Variants in TENM3 observed in about 807,000 individuals in gnomAD.
TENM3 encodes the protein teneurin-3.
In TENM3, 63 loss-of-function variants were observed where a neutral mutation model predicts 255.1. The observed-to-expected ratio is 0.25, with a 90% CI of 0.20 to 0.30. The LOEUF (loss-of-function observed/expected upper bound fraction) is 0.30, where lower values mean the gene tolerates loss of function less well. Among genes scored for constraint, TENM3 ranks in the 10% least tolerant of loss-of-function variants. TENM3 has a pLI of 1.00. For synonymous variants in TENM3, 1,306 were observed against 1,322.3 expected (o/e 0.99, Z 0.27); for missense variants, 2,929 against 3,461.1 (o/e 0.85, Z 3.86).
In TENM3 at chr4:182,148,866, G is replaced by A. The variant is rs144192881; in HGVS notation, c.-76+4112G>A. ...CACTTTAAGATTTTCTTGGGCTTTG[G>A]TTCATATTGCATTGTGATACATGTT... is the stretch of plus-strand genomic sequence containing the variant. On this transcript the variant is annotated intron_variant, in intron 1 of 2. Coordinates refer to the TENM3 transcript ENST00000512480. Among the ~76,000 whole-genome samples the A allele has an allele frequency of 4.6e-3, 697 of 152,060 alleles. 3 individuals carry two copies. Among genetic ancestry groups the A allele is most frequent in the African/African-American group, 0.015 (619 of 41,536 alleles).
At chr4:182,765,015 A>G (rs934995627) in intron 22 of TENM3, among the ~76,000 whole-genome samples, 4 of 152,214 alleles carry the variant, frequency 2.6e-5, no homozygotes, top group African/African-American at 9.6e-5. Flanking sequence ...CTTTTTCCCA[A>G]CTTAGGTGAC....
chr4:182,544,098 G>A (rs922725348), intron 3 of TENM3, among the ~76,000 whole-genome samples: 8 of 152,132 alleles, frequency 5.3e-5, no homozygotes, highest in African/African-American at 1.9e-4. Context: ...TGAGTTATCA[G>A]ATTTCAGTTT....
At chr4:181,810,505 G>C in the TENM3 span, among the ~76,000 whole-genome samples, 1 of 151,894 alleles carries the variant, frequency 6.6e-6, no homozygotes, top group East Asian at 1.9e-4. Flanking sequence ...GTATGTTTCT[G>C]CTGTAATAGG....
the TENM3 span, among the ~76,000 whole-genome samples, chr4:181,938,202 T>C: frequency 2.6e-5 from 4 of 152,174 alleles, no homozygotes; most frequent in Non-Finnish European, 4.4e-5. Flanking sequence ...GCCTTAGCTG[T>C]CATGTTATCA....
At chr4:181,535,999 T>A in the TENM3 span, among the ~76,000 whole-genome samples, 10 of 152,238 alleles carry the variant, frequency 6.6e-5, no homozygotes, top group South Asian at 1.9e-3. Context: ...AAAATTCCAC[T>A]CAATATCTTA....
intron 3 of TENM3, among the ~76,000 whole-genome samples, chr4:182,464,083 G>A (rs62337170): frequency 0.058 from 8,786 of 152,074 alleles, 380 homozygotes; most frequent in African/African-American, 0.11. Flanking sequence ...ATATATAATT[G>A]TTCATGAATC....
At chr4:182,720,895 G>T (rs1050423313) in intron 13 of TENM3, among the ~76,000 whole-genome samples, 1 of 151,644 alleles carries the variant, frequency 6.6e-6, no homozygotes, top group Admixed American at 6.6e-5. Context: ...AGCCTCCCGA[G>T]TAGCTGGAAT....
the TENM3 span, among the ~76,000 whole-genome samples, chr4:181,845,071 A>G: frequency 6.6e-6 from 1 of 152,254 alleles, no homozygotes; most frequent in Non-Finnish European, 1.5e-5. Context: ...TTGGGGATCA[A>G]TAAGTCTACT....
At chr4:182,462,290 C>A (rs1431943188) in intron 3 of TENM3, among the ~76,000 whole-genome samples, 1 of 151,998 alleles carries the variant, frequency 6.6e-6, no homozygotes, top group Non-Finnish European at 1.5e-5. Flanking sequence ...AACTCCTGGG[C>A]TCAAACAATC....
chr4:181,807,682 C>T, the TENM3 span, among the ~76,000 whole-genome samples: 2 of 152,128 alleles, frequency 1.3e-5, no homozygotes, highest in African/African-American at 4.8e-5. Flanking sequence ...TCATATCTTC[C>T]AGTATAGGAT....
chr4:181,477,931 T>A, the TENM3 span, among the ~76,000 whole-genome samples: 1 of 152,226 alleles, frequency 6.6e-6, no homozygotes, highest in Non-Finnish European at 1.5e-5. Context: ...CCCCTGTCCT[T>A]CACAGAAAGA....
the TENM3 span, among the ~76,000 whole-genome samples, chr4:181,694,573 G>T: frequency 6.6e-6 from 1 of 152,178 alleles, no homozygotes; most frequent in African/African-American, 2.4e-5. Flanking sequence ...TTTACAGGTT[G>T]CTTTCAGTTA....
the TENM3 span, among the ~76,000 whole-genome samples, chr4:181,628,034 T>C: frequency 8.5e-5 from 13 of 152,312 alleles, no homozygotes; most frequent in African/African-American, 3.1e-4. Flanking sequence ...CCATACTAAC[T>C]GGTGTGAGAT....
the TENM3 span, among the ~76,000 whole-genome samples, chr4:181,593,856 T>G: frequency 1.3e-5 from 2 of 152,170 alleles, no homozygotes; most frequent in Non-Finnish European, 2.9e-5. Context: ...TAACTAATTT[T>G]TTTTCAGTTT....
intron 3 of TENM3, among the ~76,000 whole-genome samples, chr4:182,500,241 A>G (rs1434886293): frequency 6.6e-6 from 1 of 152,206 alleles, no homozygotes; most frequent in Non-Finnish European, 1.5e-5. Context: ...CTTTAAAAAG[A>G]AGCTTTAGAA....
At chr4:182,273,298 T>C (rs1411245334) in intron 1 of TENM3, among the ~76,000 whole-genome samples, 1 of 152,190 alleles carries the variant, frequency 6.6e-6, no homozygotes, top group African/African-American at 2.4e-5. Flanking sequence ...TTATACATGC[T>C]ATATAGCTGG....
At chr4:181,993,760 G>T in the TENM3 span, among the ~76,000 whole-genome samples, 1 of 152,004 alleles carries the variant, frequency 6.6e-6, no homozygotes, top group African/African-American at 2.4e-5. Flanking sequence ...TACCTTATCT[G>T]TACAATTTTC....
chr4:182,477,624 A>G (rs1314269575), intron 3 of TENM3, among the ~76,000 whole-genome samples: 1 of 151,898 alleles, frequency 6.6e-6, no homozygotes, highest in Non-Finnish European at 1.5e-5. Flanking sequence ...GCATTCTATG[A>G]TTTTCCCCTA....
At chr4:182,031,895 T>C in the TENM3 span, among the ~76,000 whole-genome samples, 1 of 152,238 alleles carries the variant, frequency 6.6e-6, no homozygotes, top group Admixed American at 6.5e-5. Flanking sequence ...TTTTTGCACA[T>C]TGATTTTGTA....
Sources: gnomAD v4.1 joint callset for allele counts (sites outside exome capture counted in the v4.1 genomes callset) on GRCh38, gnomAD v4.1.1 for gene constraint, MANE v1.5 for transcripts, NCBI Gene and HGNC (gene_info 2026-07-23, HGNC 2026-07-21) for gene names.